The following AKAP13 variants were observed in gnomAD, a reference collection of about 807,000 sequenced individuals.
AKAP13 encodes A-kinase anchoring protein 13.
AKAP13 carries 80 observed loss-of-function variants against 264.5 expected under a neutral mutation model. That is an observed-to-expected ratio of 0.30 (90% CI 0.25 to 0.36). AKAP13 has a LOEUF of 0.36. Among genes scored for constraint, AKAP13 ranks in the 10% least tolerant of loss-of-function variants. The pLI, the probability that AKAP13 is intolerant of heterozygous loss-of-function variation, is 1.00. For missense variants in AKAP13, 3,712 were observed against 3,435.2 expected (o/e 1.08, Z -2.01); for synonymous variants, 1,380 against 1,250.2 (o/e 1.10, Z -2.19).
intron 8 of AKAP13, among the ~76,000 whole-genome samples, chr15:85,637,903 T>G (rs1165859687): frequency 2.1e-5 from 3 of 140,608 alleles, no homozygotes; most frequent in Non-Finnish European, 3.2e-5. Context: ...TTTTTTTTTT[T>G]TAATCTCTGT....
intron 9 of AKAP13, among the ~76,000 whole-genome samples, chr15:85,644,666 G>A (rs1243225306): frequency 3.1e-5 from 4 of 128,348 alleles, no homozygotes; most frequent in Non-Finnish European, 6.2e-5. Context: ...TGGCTAACAC[G>A]GTGAAACCTC....
rs763244043 is a variant in AKAP13, at chr15:85,639,417, C to T, written c.4205C>T (p.Ala1402Val). 1 of 1,612,984 alleles carries T rather than the reference C, an allele frequency of 6.2e-7. No individual in the cohort carries two copies. The highest frequency in any genetic ancestry group is 1.7e-5 in the Admixed American group (1 of 60,018). Reference sequence around the variant, plus strand: ...TGTACAATAGAGCCATGCCCTGATGCAGCATCTCTTCTGGCTTCCAAGCAG... The same window carrying T: ...TGTACAATAGAGCCATGCCCTGATGTAGCATCTCTTCTGGCTTCCAAGCAG... ...NWCTIEPCPD[A>V]ASLLASKQSP... The change falls in exon 9 of 37, where the codon GCA (alanine) becomes GTA (valine). Residue 1402 changes from alanine (A) to valine (V), a missense_variant. Coordinates refer to ENST00000394518, the MANE Select transcript of AKAP13 (RefSeq NM_007200.5).
At chr15:85,691,734 G>T in intron 16 of AKAP13, 4 of 452,618 alleles carry the variant, frequency 8.8e-6, no homozygotes, top group Non-Finnish European at 1.3e-5. Context: ...CCCGGTTTTG[G>T]CCTGCTCAGT....
intron 2 of AKAP13, among the ~76,000 whole-genome samples, chr15:85,493,093 TAA>T (rs2075777914): frequency 6.6e-6 from 1 of 152,226 alleles, no homozygotes; most frequent in Non-Finnish European, 1.5e-5. Flanking sequence ...GCGAAAGGGC[TAA>T]TGTCAACAGA....
chr15:85,743,521 G>A lies in AKAP13; in HGVS notation c.8088G>A (p.Arg2696=). Residue 2696 remains arginine, a synonymous_variant, in exon 36 of 37, where the codon AGG becomes AGA. Transcript: ENST00000394518. ...CCCATCCACATACCAAGCTGATGAG[G>A]ATCCCATCGTTCTTCCCCAGTCCTG... ...QVSHPHTKLM[R]IPSFFPSPEE... 6.2e-7 allele frequency: 1 copy of A among 1,614,064 alleles called. No homozygotes were observed. Among genetic ancestry groups the A allele is most frequent in the Non-Finnish European group, 8.5e-7 (1 of 1,180,016 alleles).
At chr15:85,460,230 A>G (rs748286403) in intron 1 of AKAP13, among the ~76,000 whole-genome samples, 1 of 152,048 alleles carries the variant, frequency 6.6e-6, no homozygotes, top group Non-Finnish European at 1.5e-5. Flanking sequence ...ACACACACTC[A>G]CCAAGCTTTT....
intron 8 of AKAP13, among the ~76,000 whole-genome samples, chr15:85,617,332 C>G (rs1202914404): frequency 6.6e-6 from 1 of 152,236 alleles, no homozygotes; most frequent in African/African-American, 2.4e-5. Flanking sequence ...CAACCTCCGC[C>G]TCCGAGGTTC....
At chr15:85,550,609 A>G (rs149407672) in intron 5 of AKAP13, among the ~76,000 whole-genome samples, 3 of 152,372 alleles carry the variant, frequency 2.0e-5, no homozygotes, top group Non-Finnish European at 2.9e-5. Context: ...CTCTTCAGGT[A>G]CTTGACAAGT....
intron 17 of AKAP13, among the ~76,000 whole-genome samples, chr15:85,700,297 A>G (rs1010760881): frequency 6.6e-6 from 1 of 152,216 alleles, no homozygotes; most frequent in African/African-American, 2.4e-5. Flanking sequence ...CTTTCTTGAT[A>G]TGTCTTCCTG....
intron 11 of AKAP13, among the ~76,000 whole-genome samples, chr15:85,657,082 G>A (rs1311212149): frequency 6.6e-6 from 1 of 152,078 alleles, no homozygotes; most frequent in Non-Finnish European, 1.5e-5. Context: ...GAAGTTCGAG[G>A]CTGCAGTGAG....
At chr15:85,564,715 A>G (rs1033372185) in intron 5 of AKAP13, among the ~76,000 whole-genome samples, 1 of 152,184 alleles carries the variant, frequency 6.6e-6, no homozygotes, top group African/African-American at 2.4e-5. Context: ...CTCTTCAGAG[A>G]GTGATGATCT....
intron 7 of AKAP13, 60 bp downstream of exon 7, chr15:85,582,167 G>A: frequency 1.3e-6 from 2 of 1,492,700 alleles, no homozygotes; most frequent in Non-Finnish European, 1.8e-6. Flanking sequence ...AAGAGTCACT[G>A]TGGTGTCCTG....
At chr15:85,451,809 A>C (rs1254780344) in intron 1 of AKAP13, among the ~76,000 whole-genome samples, 1 of 152,102 alleles carries the variant, frequency 6.6e-6, no homozygotes, top group Admixed American at 6.5e-5. Flanking sequence ...TTATTCTTTA[A>C]TTTTCATCTT....
chr15:85,473,245 G>A (rs190107446), intron 1 of AKAP13, among the ~76,000 whole-genome samples: 43 of 152,268 alleles, frequency 2.8e-4, no homozygotes, highest in Non-Finnish European at 4.9e-4. Context: ...TTAACTGGGC[G>A]CGGGTGTGGG....
rs2087720226 is a variant in AKAP13, at chr15:85,727,999, G to C, written c.7087+536G>C. ...TTTGTGTAGTCTTGTCAGTATCCCT[G>C]CAACACAGGCATTCTAATCCCCATT... On this transcript the variant is annotated intron_variant, in intron 29 of 36. Coordinates refer to ENST00000394518, the MANE Select transcript of AKAP13 (RefSeq NM_007200.5). This position sits in a 1 kb window ranked among gnomAD's most constrained non-coding sequence, Gnocchi z 5.3. Among the ~76,000 whole-genome samples, 1 of 152,098 alleles carries C rather than the reference G, an allele frequency of 6.6e-6. No individual in the cohort carries two copies. Among genetic ancestry groups the C allele is most frequent in the Non-Finnish European group, 1.5e-5 (1 of 68,010 alleles).
At chr15:85,653,444 A>G (rs577975111) in intron 10 of AKAP13, among the ~76,000 whole-genome samples, 2 of 152,156 alleles carry the variant, frequency 1.3e-5, no homozygotes, top group Non-Finnish European at 2.9e-5. Flanking sequence ...TACATTACTT[A>G]AAAAACAATC....
chr15:85,533,352 CA>C (rs1392820534), intron 3 of AKAP13, among the ~76,000 whole-genome samples: 1 of 152,048 alleles, frequency 6.6e-6, no homozygotes, highest in East Asian at 1.9e-4. Context: ...AGCTGGGATA[CA>C]AAGTTTTTTG....
At chr15:85,618,014 C>T (rs1003806888) in intron 8 of AKAP13, among the ~76,000 whole-genome samples, 4 of 152,198 alleles carry the variant, frequency 2.6e-5, no homozygotes, top group African/African-American at 9.7e-5. Context: ...AGCCAAGGCT[C>T]ACTTGGGGCA....
intron 16 of AKAP13, among the ~76,000 whole-genome samples, chr15:85,688,120 A>G (rs1258715697): frequency 6.6e-6 from 1 of 151,996 alleles, no homozygotes; most frequent in Non-Finnish European, 1.5e-5. Context: ...TCACTCTGCT[A>G]TGTATCTGCA....
Sources: allele counts gnomAD v4.1 joint callset (sites outside exome capture counted in the v4.1 genomes callset), GRCh38; gene constraint gnomAD v4.1.1; non-coding constraint Gnocchi (gnomAD v3.1); transcripts MANE v1.5; gene names NCBI Gene and HGNC (gene_info 2026-07-23, HGNC 2026-07-21).